Variants in CACNA1C observed in about 807,000 individuals in gnomAD.
CACNA1C encodes the protein calcium voltage-gated channel subunit alpha1 C.
Under a neutral mutation model 229.0 loss-of-function variants are expected in CACNA1C, and 30 were observed. The ratio of observed to expected loss-of-function variants is 0.13; its 90% CI spans 0.10 to 0.18. The LOEUF (loss-of-function observed/expected upper bound fraction) is 0.18. Ranked by LOEUF, CACNA1C falls within the 10% of genes least tolerant of loss-of-function variation. CACNA1C has a pLI of 1.00. For missense variants in CACNA1C, 1,658 were observed against 2,845.0 expected (o/e 0.58, Z 9.49); for synonymous variants, 1,114 against 1,132.5 (o/e 0.98, Z 0.33).
At chr12:2,330,781 G>T (rs2096521667) in intron 3 of CACNA1C, among the ~76,000 whole-genome samples, 1 of 152,216 alleles carries the variant, frequency 6.6e-6, no homozygotes. Context: ...TTGGTTAGCT[G>T]CTTGGAAAAA....
chr12:2,651,974 A>G lies in CACNA1C; in HGVS notation c.4074+206A>G, dbSNP rs2095037378. ...GTTTCCAAGGCAGGCTCAGAGCCCC[A>G]GAAGGCCAGGTGGTAAAGGAGGGAT... is the stretch of plus-strand genomic sequence containing the variant. On this transcript the variant is annotated intron_variant, in intron 32 of 46. Coordinates refer to ENST00000399655, the MANE Select transcript of CACNA1C (RefSeq NM_000719.7). The surrounding 1 kb of genome is among the most constrained non-coding windows in gnomAD (Gnocchi z 5.4). 6.6e-6 allele frequency among the ~76,000 whole-genome samples: 1 copy of G among 151,992 alleles called. No individual in the cohort carries two copies. Among genetic ancestry groups the G allele is most frequent in the Non-Finnish European group, 1.5e-5 (1 of 68,006 alleles).
chr12:2,493,471 A>G lies in CACNA1C; in HGVS notation c.1113+85A>G. The stretch of plus-strand genomic sequence containing the variant: ...GACACCTCCCTTTCTCCTCCTCCCC[A>G]TGGTCTTGGGGTCACATACGCATCT... On this transcript the variant is annotated intron_variant, in intron 7 of 46. Transcript: ENST00000399655. The surrounding 1 kb of genome is among the most constrained non-coding windows in gnomAD (Gnocchi z 4.6). 2 of 1,029,490 alleles carry G rather than the reference A, an allele frequency of 1.9e-6. No individual in the cohort carries two copies. The highest frequency in any genetic ancestry group is 1.4e-5 in the South Asian group (1 of 73,330). The allele number at this position is 1,029,490 out of a possible 1,614,324, so 63.8% of individuals were successfully genotyped here. A position where few individuals can be genotyped will look rare whatever the true frequency, so the allele number is the denominator to read the frequency against.
rs1314294242 is a variant in CACNA1C, at chr12:2,579,755, A to AT, written c.1896-1829dup. 2.0e-5 allele frequency among the ~76,000 whole-genome samples: 3 copies of AT among 151,890 alleles called. No homozygotes were observed. In the East Asian group the frequency reaches 5.8e-4, roughly 29 times the overall value. Reference sequence around the variant, plus strand: ...ACCACCACACCCAGCTAATTTTTTAATTTTTTAAAGATGAGGTCTCACACT... The same window carrying AT: ...ACCACCACACCCAGCTAATTTTTTAATTTTTTTAAAGATGAGGTCTCACACT... On this transcript the variant is annotated intron_variant, in intron 13 of 46. Transcript: ENST00000399655.
At chr12:2,335,812 G>C (rs572322488) in intron 3 of CACNA1C, among the ~76,000 whole-genome samples, 1 of 152,276 alleles carries the variant, frequency 6.6e-6, no homozygotes, top group Admixed American at 6.5e-5. Context: ...GAGAGACGCA[G>C]GATGAAGAAA....
chr12:2,262,268 C>T (rs1274095311), intron 3 of CACNA1C, among the ~76,000 whole-genome samples: 2 of 152,224 alleles, frequency 1.3e-5, no homozygotes, highest in Non-Finnish European at 2.9e-5. Context: ...CTGTTGAGTC[C>T]AGAAACCATA....
At chr12:2,372,692 CAT>C (rs1465258603) in intron 3 of CACNA1C, among the ~76,000 whole-genome samples, 2 of 151,800 alleles carry the variant, frequency 1.3e-5, no homozygotes, top group Non-Finnish European at 2.9e-5. Flanking sequence ...CAGATTAAAA[CAT>C]AGTTTGAGGG....
rs1262172004 is a variant in CACNA1C at position 2,632,944 on chromosome 12, C to G, written c.3829-1353C>G. Among the ~76,000 whole-genome samples, 2 of 152,134 alleles carry G rather than the reference C, an allele frequency of 1.3e-5. No individual in the cohort carries two copies. Among genetic ancestry groups the G allele is most frequent in the Non-Finnish European group, 2.9e-5 (2 of 68,024 alleles). ...AGTCTTTGCCAGGGTTGGAACTGCCCCTGGAAACACTGGGGCACCCAGTGC... is the reference window on the plus strand; with the variant it reads ...AGTCTTTGCCAGGGTTGGAACTGCCGCTGGAAACACTGGGGCACCCAGTGC... On this transcript the variant is annotated intron_variant, in intron 29 of 46. Coordinates refer to ENST00000399655, the MANE Select transcript of CACNA1C (RefSeq NM_000719.7). This position sits in a 1 kb window ranked among gnomAD's most constrained non-coding sequence, Gnocchi z 4.1.
At chr12:2,282,121 T>G in intron 3 of CACNA1C, among the ~76,000 whole-genome samples, 1 of 152,200 alleles carries the variant, frequency 6.6e-6, no homozygotes, top group East Asian at 1.9e-4. Flanking sequence ...TTACCTAATT[T>G]TATAATGATT....
chr12:2,398,953 G>C (rs1419211526), intron 3 of CACNA1C, among the ~76,000 whole-genome samples: 1 of 152,190 alleles, frequency 6.6e-6, no homozygotes, highest in African/African-American at 2.4e-5. Context: ...CCTGGCAACT[G>C]TCATTGTCAC....
At chr12:2,325,581 C>A (rs1475505370) in intron 3 of CACNA1C, among the ~76,000 whole-genome samples, 2 of 152,258 alleles carry the variant, frequency 1.3e-5, no homozygotes, top group Admixed American at 6.5e-5. Context: ...CCCACTGTAC[C>A]ATTTGTAATA....
intron 13 of CACNA1C, among the ~76,000 whole-genome samples, chr12:2,568,174 C>G (rs2052290203): frequency 6.6e-6 from 1 of 152,116 alleles, no homozygotes; most frequent in Admixed American, 6.5e-5. Flanking sequence ...GAGACTGAGC[C>G]ATCACATTCA....
chr12:2,386,983 G>A (rs1403546504), intron 3 of CACNA1C, among the ~76,000 whole-genome samples: 1 of 152,224 alleles, frequency 6.6e-6, no homozygotes, highest in Non-Finnish European at 1.5e-5. Context: ...GCTGCTAGAC[G>A]TGGTGTGAAG....
chr12:2,273,243 A>G (rs1334126196), intron 3 of CACNA1C, among the ~76,000 whole-genome samples: 1 of 152,234 alleles, frequency 6.6e-6, no homozygotes, highest in Non-Finnish European at 1.5e-5. Context: ...AATACGGTGT[A>G]AGTGCTATAT....
At chr12:2,107,362 C>T (rs12371110) in intron 1 of CACNA1C, among the ~76,000 whole-genome samples, 13 of 44,246 alleles carry the variant, frequency 2.9e-4, no homozygotes, top group African/African-American at 9.9e-4. Flanking sequence ...GCGCCCACCC[C>T]GGGGAGGGTT....
chr12:2,288,696 A>G (rs1426261590), intron 3 of CACNA1C: 1 of 152,140 alleles, frequency 6.6e-6, no homozygotes, highest in Non-Finnish European at 1.5e-5. Context: ...GCTTGTATCT[A>G]CAACAGCTAT....
At chr12:2,295,294 T>G (rs1054250425) in intron 3 of CACNA1C, among the ~76,000 whole-genome samples, 2 of 152,178 alleles carry the variant, frequency 1.3e-5, no homozygotes, top group South Asian at 4.1e-4. Context: ...TCATGCCGCT[T>G]CTCACCTCTG....
intron 3 of CACNA1C, among the ~76,000 whole-genome samples, chr12:2,190,304 T>G (rs564583018): frequency 2.8e-4 from 42 of 152,246 alleles, no homozygotes; most frequent in Admixed American, 2.5e-3. Flanking sequence ...CCAGCCAGCG[T>G]TCTCCCAGGT....
chr12:2,025,541 A>C (rs2154489875), intron 1 of CACNA1C, among the ~76,000 whole-genome samples: 1 of 152,200 alleles, frequency 6.6e-6, no homozygotes, highest in South Asian at 2.1e-4. Flanking sequence ...TTTTACTTTT[A>C]GCCTCCCAAC....
At chr12:2,192,111 C>G (rs905863261) in intron 3 of CACNA1C, among the ~76,000 whole-genome samples, 1 of 152,192 alleles carries the variant, frequency 6.6e-6, no homozygotes, top group Non-Finnish European at 1.5e-5. Context: ...CGCACACACA[C>G]ACCCCCTCCC....
Sources: gnomAD v4.1 joint callset for allele counts (sites outside exome capture counted in the v4.1 genomes callset) on GRCh38, gnomAD v4.1.1 for gene constraint, Gnocchi (gnomAD v3.1) non-coding constraint, MANE v1.5 for transcripts, NCBI Gene and HGNC (gene_info 2026-07-23, HGNC 2026-07-21) for gene names.